Variants in EXOC4 observed in about 807,000 individuals in gnomAD.
EXOC4 encodes the protein exocyst complex component 4.
In EXOC4, 71 loss-of-function variants were observed where a neutral mutation model predicts 107.2. That is an observed-to-expected ratio of 0.66 (90% CI 0.55 to 0.81). The LOEUF is 0.81. Among genes scored for constraint, EXOC4 ranks in the 30% least tolerant of loss-of-function variants. The pLI, the probability that EXOC4 is intolerant of heterozygous loss-of-function variation, is 0.00. For synonymous variants in EXOC4, 456 were observed against 441.2 expected, an observed-to-expected ratio of 1.03 and a Z score of -0.42; for missense variants, 1,108 against 1,189.6, an observed-to-expected ratio of 0.93 and a Z score of 1.01.
intron 10 of EXOC4, among the ~76,000 whole-genome samples, chr7:133,655,302 ATATC>A (rs1261883290): frequency 2.6e-5 from 4 of 152,258 alleles, no homozygotes; most frequent in Middle Eastern, 6.8e-3. Context: ...GGTAGTTAGC[ATATC>A]TATCACCCCA....
At chr7:133,805,402 A>G (rs1176831464) in intron 10 of EXOC4, among the ~76,000 whole-genome samples, 1 of 152,240 alleles carries the variant, frequency 6.6e-6, no homozygotes. Flanking sequence ...AAGTTTGCTA[A>G]TGAGTAGAAG....
chr7:133,717,340 G>A (rs1018979449), intron 10 of EXOC4, among the ~76,000 whole-genome samples: 1 of 152,302 alleles, frequency 6.6e-6, no homozygotes, highest in Non-Finnish European at 1.5e-5. Flanking sequence ...TAGCTAAAGA[G>A]TTGGTGTATT....
rs1165718154 is a variant in EXOC4 at position 134,064,533 on chromosome 7, G to A, written c.*5G>A. The A allele has an allele frequency of 1.3e-6, 2 of 1,558,410 alleles. No individual in the cohort carries two copies. The highest frequency in any genetic ancestry group is 2.3e-5 in the South Asian group (2 of 85,846). ...AAGAAGATAACTACCGTTTAGCAGGGCGTACTGCGGTTGGTGACGGGGGTC... is the reference window on the plus strand; with the variant it reads ...AAGAAGATAACTACCGTTTAGCAGGACGTACTGCGGTTGGTGACGGGGGTC... On this transcript the variant is annotated 3_prime_UTR_variant, in exon 18 of 18. Transcript: ENST00000253861.
At chr7:133,568,671 T>C (rs1800958073) in intron 9 of EXOC4, among the ~76,000 whole-genome samples, 1 of 152,088 alleles carries the variant, frequency 6.6e-6, no homozygotes, top group Non-Finnish European at 1.5e-5. Flanking sequence ...TAAAACTTAG[T>C]TGGATGACTA....
At chr7:133,790,963 A>G (rs908848064) in intron 10 of EXOC4, among the ~76,000 whole-genome samples, 1 of 152,276 alleles carries the variant, frequency 6.6e-6, no homozygotes, top group African/African-American at 2.4e-5. Flanking sequence ...TTGAATTGTC[A>G]TTACAAATAT....
intron 2 of EXOC4, among the ~76,000 whole-genome samples, chr7:133,282,256 C>T (rs566431586): frequency 3.3e-5 from 5 of 152,140 alleles, no homozygotes; most frequent in Non-Finnish European, 7.4e-5. Context: ...TGTTTTCTTT[C>T]TTTTCTCTTT....
chr7:134,079,890 C>G, the EXOC4 span, among the ~76,000 whole-genome samples: 1 of 152,176 alleles, frequency 6.6e-6, no homozygotes, highest in Non-Finnish European at 1.5e-5. Flanking sequence ...CAGAAACACC[C>G]TCTTGCCCGC....
intron 9 of EXOC4, among the ~76,000 whole-genome samples, chr7:133,615,636 A>C (rs1016320331): frequency 1.1e-4 from 17 of 152,066 alleles, no homozygotes; most frequent in Admixed American, 4.6e-4. Context: ...CTATTGGTGG[A>C]GTGGTGCTTG....
intron 6 of EXOC4, among the ~76,000 whole-genome samples, chr7:133,362,555 G>A (rs1796158862): frequency 6.6e-6 from 1 of 152,006 alleles, no homozygotes; most frequent in East Asian, 1.9e-4. Context: ...TTGAATTATT[G>A]CTCTAAAATT....
At chr7:133,478,639 A>T (rs1352728337) in intron 8 of EXOC4, among the ~76,000 whole-genome samples, 1 of 152,204 alleles carries the variant, frequency 6.6e-6, no homozygotes, top group African/African-American at 2.4e-5. Context: ...TAAGATTTTG[A>T]CTGTTTTTAT....
chr7:133,450,851 G>T (rs1414141732), intron 7 of EXOC4, among the ~76,000 whole-genome samples: 1 of 152,160 alleles, frequency 6.6e-6, no homozygotes, highest in Non-Finnish European at 1.5e-5. Flanking sequence ...CTCTTTGTCA[G>T]AATTCCATTG....
the EXOC4 span, among the ~76,000 whole-genome samples, chr7:134,092,744 G>A: frequency 3.9e-5 from 6 of 151,970 alleles, no homozygotes; most frequent in Non-Finnish European, 5.9e-5. Flanking sequence ...CCAACATGGT[G>A]AAACCCCATC....
intron 14 of EXOC4, among the ~76,000 whole-genome samples, chr7:133,947,605 G>A (rs370619611): frequency 6.0e-4 from 91 of 152,286 alleles, no homozygotes; most frequent in East Asian, 4.1e-3. Context: ...TCAGCTGGTC[G>A]TTAGTAGAGT....
chr7:133,671,118 G>A (rs984092490), intron 10 of EXOC4, among the ~76,000 whole-genome samples: 1 of 152,194 alleles, frequency 6.6e-6, no homozygotes, highest in Non-Finnish European at 1.5e-5. Flanking sequence ...GGAAGGGAGT[G>A]TGTCGAAGAT....
intron 10 of EXOC4, among the ~76,000 whole-genome samples, chr7:133,760,800 G>C (rs1796017364): frequency 6.6e-6 from 1 of 151,818 alleles, no homozygotes; most frequent in East Asian, 1.9e-4. Context: ...TTTAAAAGGG[G>C]CCTTTTATCT....
intron 10 of EXOC4, among the ~76,000 whole-genome samples, chr7:133,646,322 AG>A (rs1345897124): frequency 6.6e-6 from 1 of 152,202 alleles, no homozygotes; most frequent in Non-Finnish European, 1.5e-5. Flanking sequence ...GAAAAGAGGA[AG>A]GAGGCCTCTG....
chr7:133,381,309 A>G (rs1796614101), intron 7 of EXOC4, among the ~76,000 whole-genome samples: 1 of 152,210 alleles, frequency 6.6e-6, no homozygotes, highest in African/African-American at 2.4e-5. Flanking sequence ...CTAATGGCAC[A>G]GACACACAGA....
At chr7:133,805,393 A>C (rs1402933725) in intron 10 of EXOC4, among the ~76,000 whole-genome samples, 1 of 152,258 alleles carries the variant, frequency 6.6e-6, no homozygotes, top group Non-Finnish European at 1.5e-5. Flanking sequence ...TGGAACTCAA[A>C]GTTTGCTAAT....
intron 2 of EXOC4, among the ~76,000 whole-genome samples, chr7:133,275,756 AAAATTTAACCTAC>A (rs1214264900): frequency 3.9e-5 from 6 of 152,196 alleles, no homozygotes; most frequent in Non-Finnish European, 7.3e-5. Context: ...TGAAGTGAAG[AAAATTTAACCTAC>A]AAATTATTTA....
Sources: gnomAD v4.1 joint callset for allele counts (sites outside exome capture counted in the v4.1 genomes callset) on GRCh38, gnomAD v4.1.1 for gene constraint, MANE v1.5 for transcripts, NCBI Gene and HGNC (gene_info 2026-07-23, HGNC 2026-07-21) for gene names.